Variants in ZSCAN16 observed in about 807,000 individuals in gnomAD.
ZSCAN16 encodes zinc finger and SCAN domain containing 16.
ZSCAN16 carries 15 observed loss-of-function variants against 19.4 expected under a neutral mutation model. The ratio of observed to expected loss-of-function variants is 0.77; its 90% CI spans 0.52 to 1.19. The LOEUF (loss-of-function observed/expected upper bound fraction) is 1.19. Ranked by LOEUF, ZSCAN16 falls within the 50% of genes most tolerant of loss-of-function variation. The pLI, the probability that ZSCAN16 is intolerant of heterozygous loss-of-function variation, is 0.00. For missense variants in ZSCAN16, 327 were observed against 415.7 expected (o/e 0.79, Z 1.86); for synonymous variants, 138 against 146.5 (o/e 0.94, Z 0.42).
chr6:28,128,502 A>G (rs1654774), intron 3 of ZSCAN16, among the ~76,000 whole-genome samples: 86,820 of 152,002 alleles, frequency 0.57, 28,016 homozygotes, highest in African/African-American at 0.89. Context: ...ACCTGCAAAA[A>G]TATCACAGAG....
In ZSCAN16 at chr6:28,125,451, C is replaced by T; in HGVS notation, c.8C>T (p.Thr3Ile). Residue 3 changes from threonine (T) to isoleucine (I), a missense_variant, in exon 2 of 4, where the codon ACA becomes ATA. Thr to Ile is a moderately conservative substitution (Grantham distance 89). Transcript: ENST00000340487. This position sits in a 1 kb window ranked among gnomAD's most constrained non-coding sequence, Gnocchi z 6.2. MTTALEPEDQKGL... is the reference protein window; with the variant it reads MTIALEPEDQKGL... ...CTCCTGGCAAAGCCCAGAATGACCA[C>T]AGCCCTGGAACCTGAGGACCAAAAA... 6.2e-7 allele frequency: 1 copy of T among 1,611,448 alleles called. No individual in the cohort carries two copies. Among genetic ancestry groups the T allele is most frequent in the South Asian group, 1.1e-5 (1 of 90,760 alleles).
At chr6:28,128,582 G>GA (rs963029062) in intron 3 of ZSCAN16, among the ~76,000 whole-genome samples, 130 of 151,740 alleles carry the variant, frequency 8.6e-4, no homozygotes, top group African/African-American at 3.0e-3. Flanking sequence ...AAGAAACGGT[G>GA]AAAAAAAATA....
chr6:28,125,753 C>T lies in ZSCAN16; in HGVS notation c.310C>T (p.His104Tyr). 1 of 1,614,168 alleles carries T rather than the reference C, an allele frequency of 6.2e-7. No individual in the cohort carries two copies. Among genetic ancestry groups the T allele is most frequent in the Non-Finnish European group, 8.5e-7 (1 of 1,180,010 alleles). ...AGACCTGCAAGCATGGGTGCGTGCA[C>T]ACCATCCAGAGACTGGAGAGGAGGC... The part of the protein sequence containing the change: ...PKDLQAWVRA[H>Y]HPETGEEAVT... Residue 104 changes from histidine (H) to tyrosine (Y), a missense_variant, in exon 2 of 4, where the codon CAC becomes TAC. Coordinates refer to ENST00000340487, the MANE Select transcript of ZSCAN16 (RefSeq NM_025231.3). The surrounding 1 kb of genome is among the most constrained non-coding windows in gnomAD (Gnocchi z 6.2).
chr6:28,129,944 C>G lies in ZSCAN16; in HGVS notation c.1041C>G (p.Leu347=). ...RHQRIHTANK[L]Y is the part of the protein sequence containing the mutation. The stretch of plus-strand genomic sequence containing the variant: ...AAAGAATTCATACCGCAAATAAACT[C>G]TACTAATATAGCAGTAATATCAAAA... Residue 347 remains leucine (L), a synonymous_variant, in exon 4 of 4, where the codon CTC becomes CTG. Transcript: ENST00000340487. The G allele has an allele frequency of 6.3e-7, 1 of 1,574,904 alleles. No homozygotes were observed. The highest frequency in any genetic ancestry group is 8.6e-7 in the Non-Finnish European group (1 of 1,162,050).
intron 2 of ZSCAN16, among the ~76,000 whole-genome samples, chr6:28,126,468 T>C (rs1249178441): frequency 6.6e-6 from 1 of 152,220 alleles, no homozygotes. Context: ...CCATATCGGA[T>C]AGCATGGTTA....
Position 28,129,756 on chromosome 6 carries a change from G to T in ZSCAN16, c.853G>T (p.Val285Leu). The T allele has an allele frequency of 6.2e-7, 1 of 1,614,112 alleles. No homozygotes were observed. The highest frequency in any genetic ancestry group is 8.5e-7 in the Non-Finnish European group (1 of 1,179,998). The stretch of plus-strand genomic sequence containing the variant: ...CTCACATCTCATTGGACATCATAGA[G>T]TACACACGGGAGTAAAACCCTATAA... ...QRSHLIGHHR[V>L]HTGVKPYKCK... The change falls in exon 4 of 4, where the codon GTA becomes TTA. Residue 285 changes from valine to leucine, a missense_variant. Val to Leu is a conservative substitution (Grantham distance 32). Transcript: ENST00000340487.
At chr6:28,127,462 G>A (rs116365090) in intron 3 of ZSCAN16, among the ~76,000 whole-genome samples, 2,427 of 152,228 alleles carry the variant, frequency 0.016, 37 homozygotes, top group Admixed American at 0.036. Context: ...CTCTTGTAAG[G>A]ACACTAGTAC....
In ZSCAN16 at chr6:28,129,912, A is replaced by G; in HGVS notation, c.1009A>G (p.Arg337Gly). ...RPFRVSSALIRHQRIHTANKL... is the reference protein window; with the variant it reads ...RPFRVSSALIGHQRIHTANKL... Reference sequence around the variant, plus strand: ...TTTCCGAGTAAGTTCAGCTCTTATTAGACATCAAAGAATTCATACCGCAAA... The same window carrying G: ...TTTCCGAGTAAGTTCAGCTCTTATTGGACATCAAAGAATTCATACCGCAAA... The change falls in exon 4 of 4, where the codon AGA becomes GGA. Residue 337 changes from arginine to glycine, a missense_variant. Coordinates refer to ENST00000340487, the MANE Select transcript of ZSCAN16 (RefSeq NM_025231.3). 6.3e-7 allele frequency: 1 copy of G among 1,599,536 alleles called. No individual in the cohort carries two copies. The highest frequency in any genetic ancestry group is 1.3e-5 in the African/African-American group (1 of 74,156).
intron 3 of ZSCAN16, among the ~76,000 whole-genome samples, chr6:28,127,311 C>T (rs1397220674): frequency 2.6e-5 from 4 of 152,162 alleles, no homozygotes; most frequent in Non-Finnish European, 5.9e-5. Flanking sequence ...TTTATTTTCT[C>T]ACAGTTCTGG....
At position 28,129,730 on chromosome 6, in the gene ZSCAN16, G is replaced by A. The variant is rs771364627; in HGVS notation, c.827G>A (p.Arg276His). The A allele has an allele frequency of 1.6e-5, 26 of 1,613,944 alleles. No homozygotes were observed. The highest frequency in any genetic ancestry group is 4.0e-5 in the African/African-American group (3 of 74,904). Residue 276 changes from arginine to histidine, a missense_variant, in exon 4 of 4, where the codon CGC becomes CAC. By Grantham distance (29) the Arg-to-His change is conservative. Coordinates refer to ENST00000340487, the MANE Select transcript of ZSCAN16 (RefSeq NM_025231.3). The part of the protein sequence containing the change: ...CDECGKAFIQ[R>H]SHLIGHHRVH... ...GAGTGTGGAAAAGCCTTCATTCAGC[G>A]CTCACATCTCATTGGACATCATAGA...
intron 2 of ZSCAN16, among the ~76,000 whole-genome samples, chr6:28,126,138 A>G (rs1764896093): frequency 6.6e-6 from 1 of 152,172 alleles, no homozygotes; most frequent in Non-Finnish European, 1.5e-5. Context: ...GCTACCCCAT[A>G]AGAAACTCCC....
intron 2 of ZSCAN16, among the ~76,000 whole-genome samples, chr6:28,126,442 A>AT (rs1458050732): frequency 2.0e-5 from 3 of 152,168 alleles, no homozygotes; most frequent in Non-Finnish European, 2.9e-5. Flanking sequence ...CAGTAACCAC[A>AT]TTTTGCTAGT....
In ZSCAN16 at chr6:28,125,340, G is replaced by A; in HGVS notation, c.-31-73G>A. ...ACAGAAATTTTTGTAATTTCTCTAT[G>A]GTAACAACTTTTTATGCCTTAGGAG... On this transcript the variant is annotated intron_variant, in intron 1 of 3. Transcript: ENST00000340487. This position sits in a 1 kb window ranked among gnomAD's most constrained non-coding sequence, Gnocchi z 6.2. The A allele has an allele frequency of 1.3e-6, 2 of 1,496,834 alleles. No homozygotes were observed. Among genetic ancestry groups the A allele is most frequent in the South Asian group, 2.8e-5 (2 of 71,686 alleles). 92.7% of individuals were successfully genotyped at this position (1,496,834 alleles called of 1,614,324 possible).
chr6:28,129,964 T>A lies in ZSCAN16; in HGVS notation c.*14T>A. 2 of 1,537,854 alleles carry A rather than the reference T, an allele frequency of 1.3e-6. No homozygotes were observed. The highest frequency in any genetic ancestry group is 2.3e-5 in the East Asian group (1 of 44,280). On this transcript the variant is annotated 3_prime_UTR_variant, in exon 4 of 4. Transcript: ENST00000340487. ...AAACTCTACTAATATAGCAGTAATA[T>A]CAAAAGTTCTTTGGACACTCAGGCC...
At position 28,130,041 on chromosome 6, in the gene ZSCAN16, G is replaced by A; in HGVS notation, c.*91G>A. On this transcript the variant is annotated 3_prime_UTR_variant, in exon 4 of 4. Coordinates refer to ENST00000340487, the MANE Select transcript of ZSCAN16 (RefSeq NM_025231.3). The stretch of plus-strand genomic sequence containing the variant: ...AGAAACCTTGAGTTTCCTCAATGTG[G>A]TCAAAGCTTCAGTCATCATTAAACT... 1.9e-6 allele frequency: 2 copies of A among 1,051,304 alleles called. No homozygotes were observed. The highest frequency in any genetic ancestry group is 2.7e-6 in the Non-Finnish European group (2 of 737,974). The allele number at this position is 1,051,304 out of a possible 1,614,324, so 65.1% of individuals were successfully genotyped here. A position where few individuals can be genotyped will look rare whatever the true frequency, so the allele number is the denominator to read the frequency against.
chr6:28,128,849 C>G (rs936089388), intron 3 of ZSCAN16, among the ~76,000 whole-genome samples: 2 of 152,238 alleles, frequency 1.3e-5, no homozygotes, highest in South Asian at 4.1e-4. Context: ...CTTTTCATTC[C>G]TCTATTTACT....
intron 1 of ZSCAN16, 106 bp downstream of exon 1, chr6:28,124,783 C>T (rs935222918): frequency 6.6e-6 from 1 of 152,482 alleles, no homozygotes; most frequent in Non-Finnish European, 1.5e-5. Flanking sequence ...GTGTAACACT[C>T]CTGTCCCTCC....
Position 28,125,741 on chromosome 6 carries a change from TG to T in ZSCAN16, c.301del (p.Val101CysfsTer13). 1 of 1,614,172 alleles carries T rather than the reference TG, an allele frequency of 6.2e-7. No individual in the cohort carries two copies. The highest frequency in any genetic ancestry group is 8.5e-7 in the Non-Finnish European group (1 of 1,180,040). ...LSILPKDLQA[W>X]VRAHHPETGE... is the part of the protein sequence containing the mutation. Reference sequence around the variant, plus strand: ...CATTCTTCCTAAAGACCTGCAAGCATGGGTGCGTGCACACCATCCAGAGACT... The same window carrying T: ...CATTCTTCCTAAAGACCTGCAAGCATGGTGCGTGCACACCATCCAGAGACT... On this transcript the variant is annotated frameshift_variant, in exon 2 of 4. Coordinates refer to ENST00000340487, the MANE Select transcript of ZSCAN16 (RefSeq NM_025231.3). LOFTEE classifies it high-confidence loss of function. The surrounding 1 kb of genome is among the most constrained non-coding windows in gnomAD (Gnocchi z 6.2).
intron 3 of ZSCAN16, among the ~76,000 whole-genome samples, chr6:28,127,522 C>A (rs1412592345): frequency 1.3e-5 from 2 of 152,126 alleles, no homozygotes; most frequent in African/African-American, 4.8e-5. Flanking sequence ...TTAATTACTT[C>A]ATTAAAGCCC....
Sources: gnomAD v4.1 joint callset for allele counts (sites outside exome capture counted in the v4.1 genomes callset) on GRCh38, gnomAD v4.1.1 for gene constraint, Gnocchi (gnomAD v3.1) non-coding constraint, MANE v1.5 for transcripts, NCBI Gene and HGNC (gene_info 2026-07-23, HGNC 2026-07-21) for gene names.